GRID2: variants seen among roughly 807,000 people sequenced by gnomAD.
The protein encoded by GRID2 is glutamate receptor ionotropic, delta-2.
A neutral mutation model predicts 114.8 loss-of-function variants in GRID2; 33 were observed. The ratio of observed to expected loss-of-function variants is 0.29; its 90% CI spans 0.22 to 0.38. The LOEUF is 0.38. Among genes scored for constraint, GRID2 ranks in the 10% least tolerant of loss-of-function variants. The pLI is 1.00. For synonymous variants in GRID2, 505 were observed against 449.9 expected (o/e 1.12, Z -1.55); for missense variants, 1,184 against 1,257.7 (o/e 0.94, Z 0.89).
At chr4:92,562,281 A>G (rs1190349614) in intron 1 of GRID2, among the ~76,000 whole-genome samples, 2 of 152,204 alleles carry the variant, frequency 1.3e-5, no homozygotes. Context: ...TCTAAGTGCC[A>G]TAGATAAAAT....
chr4:92,868,790 C>A (rs1288237424), intron 2 of GRID2, among the ~76,000 whole-genome samples: 1 of 151,750 alleles, frequency 6.6e-6, no homozygotes, highest in Non-Finnish European at 1.5e-5. Context: ...GAACTAACTT[C>A]TAAAGAATAT....
intron 13 of GRID2, among the ~76,000 whole-genome samples, chr4:93,568,985 C>A (rs1414533645): frequency 6.6e-6 from 1 of 152,164 alleles, no homozygotes; most frequent in East Asian, 1.9e-4. Context: ...TTCCCCTGGG[C>A]AGGCACTGTG....
intron 8 of GRID2, among the ~76,000 whole-genome samples, chr4:93,378,033 G>C (rs772598579): frequency 1.3e-5 from 2 of 152,032 alleles, no homozygotes; most frequent in African/African-American, 4.8e-5. Flanking sequence ...AAAGCTCATA[G>C]GACTTTGTTG....
In GRID2 at chr4:93,186,487, T is replaced by A. The variant is rs559130764; in HGVS notation, c.736-20917T>A. Among the ~76,000 whole-genome samples, 7 of 152,286 alleles carry A rather than the reference T, an allele frequency of 4.6e-5. No homozygotes were observed. In the South Asian group the frequency reaches 8.3e-4, roughly 18 times the overall value. On this transcript the variant is annotated intron_variant, in intron 4 of 15. Coordinates refer to ENST00000282020, the MANE Select transcript of GRID2 (RefSeq NM_001510.4). ...AATTTATTTTTATCAAAATTTCCTG[T>A]GTACTCAGAAAAAAAGTGCCGTACA...
chr4:92,851,960 T>C (rs1164427667), intron 2 of GRID2, among the ~76,000 whole-genome samples: 2 of 151,918 alleles, frequency 1.3e-5, no homozygotes, highest in Non-Finnish European at 2.9e-5. Flanking sequence ...TTCGTAAATA[T>C]TTAGAGTCCT....
intron 2 of GRID2, among the ~76,000 whole-genome samples, chr4:92,867,429 C>G (rs1744951220): frequency 6.6e-6 from 1 of 151,964 alleles, no homozygotes; most frequent in Non-Finnish European, 1.5e-5. Context: ...GGCGATACCA[C>G]AATTCTAATC....
intron 2 of GRID2, among the ~76,000 whole-genome samples, chr4:93,074,258 A>G (rs1205326303): frequency 6.6e-6 from 1 of 152,202 alleles, no homozygotes; most frequent in Non-Finnish European, 1.5e-5. Context: ...GTCTGTATCA[A>G]TATATTCTAT....
intron 4 of GRID2, among the ~76,000 whole-genome samples, chr4:93,114,229 A>C (rs1733031988): frequency 6.6e-6 from 1 of 152,116 alleles, no homozygotes; most frequent in South Asian, 2.1e-4. Context: ...ATAACCTACA[A>C]TTGTTGCTTC....
chr4:93,411,547 G>A (rs1767136694), intron 9 of GRID2, among the ~76,000 whole-genome samples: 2 of 151,450 alleles, frequency 1.3e-5, no homozygotes, highest in Non-Finnish European at 1.5e-5. Flanking sequence ...CGATTCTCCC[G>A]CCTCAGCCTC....
At chr4:93,755,430 A>G (rs962701103) in intron 14 of GRID2, among the ~76,000 whole-genome samples, 1 of 152,180 alleles carries the variant, frequency 6.6e-6, no homozygotes, top group Non-Finnish European at 1.5e-5. Flanking sequence ...TTTGTATCAC[A>G]TTATGTAATT....
At chr4:93,296,718 A>T (rs546170666) in intron 8 of GRID2, among the ~76,000 whole-genome samples, 7 of 152,334 alleles carry the variant, frequency 4.6e-5, no homozygotes, top group Non-Finnish European at 8.8e-5. Context: ...ATTATTTTGC[A>T]TTGAAAAAGA....
chr4:92,996,381 T>A (rs932719779), intron 2 of GRID2, among the ~76,000 whole-genome samples: 1 of 152,210 alleles, frequency 6.6e-6, no homozygotes, highest in Non-Finnish European at 1.5e-5. Flanking sequence ...TTTTATCATA[T>A]CATATTATAC....
At position 93,759,506 on chromosome 4, in the gene GRID2, T is replaced by C. The variant is rs541193965; in HGVS notation, c.2361-9704T>C. On this transcript the variant is annotated intron_variant, in intron 14 of 15. Coordinates refer to ENST00000282020, the MANE Select transcript of GRID2 (RefSeq NM_001510.4). ...ATGTTATTTAATTGTGTAGCTTTTA[T>C]GGAGAATTGTTTAAACTCTAAGAAA... Among the ~76,000 whole-genome samples the C allele has an allele frequency of 2.6e-5, 4 of 152,346 alleles. No individual in the cohort carries two copies. The South Asian group carries it at 8.3e-4, about 32-fold the overall frequency.
At chr4:92,644,618 A>G (rs1164121140) in intron 2 of GRID2, among the ~76,000 whole-genome samples, 1 of 151,650 alleles carries the variant, frequency 6.6e-6, no homozygotes, top group Non-Finnish European at 1.5e-5. Context: ...AAATTACCAC[A>G]TGCCTTCAAC....
At chr4:93,588,471 A>T (rs1474246453) in intron 13 of GRID2, among the ~76,000 whole-genome samples, 1 of 152,186 alleles carries the variant, frequency 6.6e-6, no homozygotes, top group African/African-American at 2.4e-5. Flanking sequence ...TTCTGTAAGA[A>T]TGAGGATGGT....
In GRID2 at chr4:93,084,909, T is replaced by G. The variant is rs530928757; in HGVS notation, c.245-86T>G. 186 of 958,826 alleles carry G rather than the reference T, an allele frequency of 1.9e-4. No homozygotes were observed. In the African/African-American group the frequency reaches 2.8e-3, roughly 14 times the overall value. 59.4% of individuals were successfully genotyped at this position (958,826 alleles called of 1,614,324 possible). ...TTTTCATAGCTATATAAAAAATCTG[T>G]AAGCTTTATCCATCCAGTGCTTCTC... is the stretch of plus-strand genomic sequence containing the variant. On this transcript the variant is annotated intron_variant, in intron 2 of 15. Coordinates refer to ENST00000282020, the MANE Select transcript of GRID2 (RefSeq NM_001510.4).
At chr4:93,299,436 A>G (rs1754632799) in intron 8 of GRID2, among the ~76,000 whole-genome samples, 1 of 151,532 alleles carries the variant, frequency 6.6e-6, no homozygotes, top group Non-Finnish European at 1.5e-5. Context: ...ACGGGGAAAA[A>G]AAAGTCTTAG....
chr4:93,555,250 C>G lies in GRID2; in HGVS notation c.2193+39839C>G, dbSNP rs191691807. 4.3e-4 allele frequency among the ~76,000 whole-genome samples: 65 copies of G among 152,218 alleles called. No individual in the cohort carries two copies. In the East Asian group the frequency reaches 0.011, roughly 26 times the overall value. The stretch of plus-strand genomic sequence containing the variant: ...ACCCCAGTGGCAACTGGAATGCCAG[C>G]GAGACAGAACCTTTCCATCCCCTGG... On this transcript the variant is annotated intron_variant, in intron 13 of 15. Transcript: ENST00000282020.
At position 93,198,550 on chromosome 4, in the gene GRID2, C is replaced by A. The variant is rs139242454; in HGVS notation, c.736-8854C>A. Among the ~76,000 whole-genome samples, 267 of 152,164 alleles carry A rather than the reference C, an allele frequency of 1.8e-3. 5 individuals are homozygous for A. In the South Asian group the frequency reaches 0.032, roughly 18 times the overall value. The stretch of plus-strand genomic sequence containing the variant: ...GTTATATAAAATACGTACAACATGG[C>A]CCTCACAGCCACTTACATAGTTATC... On this transcript the variant is annotated intron_variant, in intron 4 of 15. Transcript: ENST00000282020.
Sources: gnomAD v4.1 joint callset for allele counts (sites outside exome capture counted in the v4.1 genomes callset) on GRCh38, gnomAD v4.1.1 for gene constraint, MANE v1.5 for transcripts, NCBI Gene and HGNC (gene_info 2026-07-23, HGNC 2026-07-21) for gene names.